Variants in UNC13D observed in about 807,000 individuals in gnomAD.
The protein encoded by UNC13D is protein unc-13 homolog D.
In UNC13D, 115 loss-of-function variants were observed where a neutral mutation model predicts 151.7. The observed-to-expected ratio is 0.76, with a 90% CI of 0.65 to 0.88. The LOEUF (loss-of-function observed/expected upper bound fraction) is 0.88, where lower values mean the gene tolerates loss of function less well. Ranked by LOEUF, UNC13D falls within the 40% of genes least tolerant of loss-of-function variation. The probability of loss-of-function intolerance (pLI) is 0.00; values close to 1 mark genes in which losing one functional copy is unlikely to be tolerated. For synonymous variants in UNC13D, 588 were observed against 612.2 expected (o/e 0.96, Z 0.58); for missense variants, 1,369 against 1,438.7 (o/e 0.95, Z 0.78).
chr17:75,828,635 C>G, intron 31 of UNC13D, 152 bp downstream of exon 31: 1 of 901,450 alleles, frequency 1.1e-6, no homozygotes, highest in Non-Finnish European at 1.6e-6. Context: ...TCACTGGTCT[C>G]TTGATTAGAC....
At position 75,840,478 on chromosome 17, in the gene UNC13D, T is replaced by C. The variant is rs1267977293; in HGVS notation, c.753+29A>G. 3 of 1,608,440 alleles carry C rather than the reference T, an allele frequency of 1.9e-6. No homozygotes were observed. Among genetic ancestry groups the C allele is most frequent in the South Asian group, 1.1e-5 (1 of 90,946 alleles). On this transcript the variant is annotated intron_variant, in intron 9 of 31. Coordinates refer to ENST00000207549, the MANE Select transcript of UNC13D (RefSeq NM_199242.3). The surrounding 1 kb of genome is among the most constrained non-coding windows in gnomAD (Gnocchi z 4.6). Reference sequence around the variant, plus strand: ...TCCCAACCCCCTCCCTCTGCCTCGCTCCTGGGCCCCTTTCCTCATCCTCCT... The same window carrying C: ...TCCCAACCCCCTCCCTCTGCCTCGCCCCTGGGCCCCTTTCCTCATCCTCCT...
intron 1 of UNC13D, 199 bp from the exon 2 acceptor site, chr17:75,843,718 T>C: frequency 2.1e-6 from 3 of 1,443,356 alleles, no homozygotes; most frequent in Non-Finnish European, 2.7e-6. Flanking sequence ...GTGGCTGAGG[T>C]CCATGGGTGC....
intron 21 of UNC13D, 75 bp downstream of exon 21, chr17:75,834,845 G>C (rs536010758): frequency 1.2e-6 from 2 of 1,612,652 alleles, no homozygotes; most frequent in Admixed American, 1.7e-5. Context: ...GCCTGGGTGA[G>C]AGCACGGGAG....
chr17:75,827,890 G>A lies in UNC13D; in HGVS notation c.*75C>T. 4 of 1,547,164 alleles carry A rather than the reference G, an allele frequency of 2.6e-6. No individual in the cohort carries two copies. The highest frequency in any genetic ancestry group is 3.5e-6 in the Non-Finnish European group (4 of 1,149,334). ...CAGGCTGGAGGGCCGCGATGTGGCG[G>A]GGAAGCCCCAGACCCTACAGGAAAG... On this transcript the variant is annotated 3_prime_UTR_variant, in exon 32 of 32. Transcript: ENST00000207549.
In UNC13D at chr17:75,830,350, G is replaced by A. The variant is rs758575692; in HGVS notation, c.2830+12C>T. On this transcript the variant is annotated intron_variant, in intron 29 of 31. Transcript: ENST00000207549. ...GGACCATGGAGAGTGGCCAAAGGCA[G>A]CCTCCACTCACCATTGGAGTCCAGG... 6.3e-7 allele frequency: 1 copy of A among 1,592,010 alleles called. No individual in the cohort carries two copies. The highest frequency in any genetic ancestry group is 1.1e-5 in the South Asian group (1 of 87,724).
intron 12 of UNC13D, among the ~76,000 whole-genome samples, chr17:75,838,334 T>TCAC (rs2064922855): frequency 6.6e-6 from 1 of 151,826 alleles, no homozygotes; most frequent in African/African-American, 2.4e-5. Flanking sequence ...TTCTCGTGCC[T>TCAC]CACCCTCCCG....
chr17:75,828,037 G>A lies in UNC13D; in HGVS notation c.3201C>T (p.Ala1067=), dbSNP rs778515769. Residue 1067 remains alanine (A), a synonymous_variant, in exon 32 of 32, where the codon GCC becomes GCT. Transcript: ENST00000207549. ...GCCGCCGCAGCCTCACAAAGACCTG[G>A]GCTTCTCGGTCACCCTTCCGGCCCT... ...LLEGRKGDRE[A]QVFVRLRRHR... 1.3e-6 allele frequency: 2 copies of A among 1,584,008 alleles called. No homozygotes were observed. The highest frequency in any genetic ancestry group is 1.3e-5 in the African/African-American group (1 of 74,364).
chr17:75,843,748 G>A (rs980992428), intron 1 of UNC13D: 24 of 1,422,234 alleles, frequency 1.7e-5, no homozygotes, highest in African/African-American at 1.3e-4. Flanking sequence ...CGAGCCCTCC[G>A]CACCCGCACC....
In UNC13D at chr17:75,828,986, G is replaced by A; in HGVS notation, c.2955-3C>T. On this transcript the variant is annotated splice_region_variant and splice_polypyrimidine_tract_variant and intron_variant, in intron 30 of 31. Transcript: ENST00000207549. ...GGCACGGCTCAGCAGGCACCAGGCT[G>A]CGGGGAGAGTCAGGGCTCTGCTGCC... 3 of 1,601,966 alleles carry A rather than the reference G, an allele frequency of 1.9e-6. No homozygotes were observed. The highest frequency in any genetic ancestry group is 1.1e-5 in the South Asian group (1 of 90,888).
intron 1 of UNC13D, chr17:75,843,941 T>C (rs2143903581): frequency 7.2e-7 from 1 of 1,387,612 alleles, no homozygotes; most frequent in South Asian, 1.6e-5. Context: ...GAGTCGGCTC[T>C]TCTGAAGCTG....
rs1200611898 is a variant in UNC13D at position 75,827,858 on chromosome 17, G to C, written c.*107C>G. The C allele has an allele frequency of 7.8e-6, 12 of 1,539,246 alleles. No individual in the cohort carries two copies. The highest frequency in any genetic ancestry group is 1.0e-5 in the Non-Finnish European group (12 of 1,145,636). The stretch of plus-strand genomic sequence containing the variant: ...CTCCGCATGCTGGGGCTCCCCAAGT[G>C]TTAGGCCAGGCTGGAGGGCCGCGAT... On this transcript the variant is annotated 3_prime_UTR_variant, in exon 32 of 32. Transcript: ENST00000207549.
chr17:75,834,730 G>C lies in UNC13D; in HGVS notation c.1993-14C>G. The stretch of plus-strand genomic sequence containing the variant: ...GCGACAGGTGTCCTAGGGTGGGGTT[G>C]GACAGAGGGAACTGATCCATGGGTG... On this transcript the variant is annotated splice_polypyrimidine_tract_variant and intron_variant, in intron 21 of 31. Coordinates refer to ENST00000207549, the MANE Select transcript of UNC13D (RefSeq NM_199242.3). The C allele has an allele frequency of 6.2e-7, 1 of 1,613,244 alleles. No individual in the cohort carries two copies. Among genetic ancestry groups the C allele is most frequent in the Non-Finnish European group, 8.5e-7 (1 of 1,179,884 alleles).
Position 75,842,479 on chromosome 17 carries a change from C to A in UNC13D, c.523G>T (p.Val175Phe), listed in dbSNP as rs768225300. Reference sequence around the variant, plus strand: ...ACGGGGTTGAGTGTCTGGGTGATGACCTGCGTGCGGTGGGTCTCCTCCTCG... The same window carrying A: ...ACGGGGTTGAGTGTCTGGGTGATGAACTGCGTGCGGTGGGTCTCCTCCTCG... ...IPEEETHRTQ[V>F]ITQTLNPVWD... The change falls in exon 6 of 32, where the codon GTC becomes TTC. Residue 175 changes from valine to phenylalanine, a missense_variant. Transcript: ENST00000207549. 1.2e-5 allele frequency: 19 copies of A among 1,613,336 alleles called. No homozygotes were observed. Among genetic ancestry groups the A allele is most frequent in the Non-Finnish European group, 1.6e-5 (19 of 1,179,978 alleles).
intron 6 of UNC13D, among the ~76,000 whole-genome samples, chr17:75,841,389 C>T (rs1192494366): frequency 1.3e-5 from 2 of 151,072 alleles, no homozygotes; most frequent in Admixed American, 6.6e-5. Context: ...GTGATCCGCC[C>T]GCCTAGGCCT....
chr17:75,843,187 G>A lies in UNC13D; in HGVS notation c.233C>T (p.Ala78Val), dbSNP rs758450528. The A allele has an allele frequency of 2.2e-5, 36 of 1,612,290 alleles. No homozygotes were observed. The highest frequency in any genetic ancestry group is 3.1e-5 in the Non-Finnish European group (36 of 1,179,974). The change falls in exon 3 of 32, where the codon GCC becomes GTC. Residue 78 changes from alanine (A) to valine (V), a missense_variant. Around this residue, in one of 3 missense-constraint regions of UNC13D, gnomAD observed 550 missense variants for 609.0 expected, o/e 0.90. Transcript: ENST00000207549. ...CTGCAGGTATCGCAGCAGCTCAGAGGCCTCCGTCACATGGTTGGGCTCAGG... is the reference window on the plus strand; with the variant it reads ...CTGCAGGTATCGCAGCAGCTCAGAGACCTCCGTCACATGGTTGGGCTCAGG... ...GHPEPNHVTE[A>V]SELLRYLQEA...
chr17:75,834,719 AGGGTG>A lies in UNC13D; in HGVS notation c.1993-8_1993-4del, dbSNP rs758008907. 6.2e-7 allele frequency: 1 copy of A among 1,612,800 alleles called. No homozygotes were observed. The highest frequency in any genetic ancestry group is 8.5e-7 in the Non-Finnish European group (1 of 1,179,618). On this transcript the variant is annotated splice_region_variant and splice_polypyrimidine_tract_variant and intron_variant, in intron 21 of 31. Coordinates refer to ENST00000207549, the MANE Select transcript of UNC13D (RefSeq NM_199242.3). ...ACCAGGGCCAGGCGACAGGTGTCCTAGGGTGGGGTTGGACAGAGGGAACTGATCCA... is the reference window on the plus strand; with the variant it reads ...ACCAGGGCCAGGCGACAGGTGTCCTAGGGTTGGACAGAGGGAACTGATCCA...
chr17:75,843,223 C>G lies in UNC13D; in HGVS notation c.197G>C (p.Arg66Pro), dbSNP rs371943727. The change falls in exon 3 of 32, where the codon CGC becomes CCC. Residue 66 changes from arginine (R) to proline (P), a missense_variant. Physicochemically the swap from Arg to Pro is moderately radical, Grantham distance 103. Coordinates refer to ENST00000207549, the MANE Select transcript of UNC13D (RefSeq NM_199242.3). ...YEDALYTVLH[R>P]LGHPEPNHVT... Reference sequence around the variant, plus strand: ...ATGGTTGGGCTCAGGATGACCCAGGCGGTGCAAGACAGTGTAGAGTGCGTC... The same window carrying G: ...ATGGTTGGGCTCAGGATGACCCAGGGGGTGCAAGACAGTGTAGAGTGCGTC... The G allele has an allele frequency of 6.2e-7, 1 of 1,611,216 alleles. No individual in the cohort carries two copies. Among genetic ancestry groups the G allele is most frequent in the African/African-American group, 1.3e-5 (1 of 74,982 alleles).
Position 75,842,537 on chromosome 17 carries a change from A to G in UNC13D, c.465T>C (p.His155=). ...TGTGCCTCACCACAGCCTTCTGCCGATGCCGGGACCCGGGGCTGCCCCCTG... is the reference window on the plus strand; with the variant it reads ...TGTGCCTCACCACAGCCTTCTGCCGGTGCCGGGACCCGGGGCTGCCCCCTG... ...GVPGGSPGSR[H]RQKAVVRHTI... Residue 155 remains histidine (H), a synonymous_variant, in exon 6 of 32, where the codon CAT becomes CAC. Coordinates refer to ENST00000207549, the MANE Select transcript of UNC13D (RefSeq NM_199242.3). 1 of 1,612,688 alleles carries G rather than the reference A, an allele frequency of 6.2e-7. No individual in the cohort carries two copies. Among genetic ancestry groups the G allele is most frequent in the African/African-American group, 1.3e-5 (1 of 75,042 alleles).
chr17:75,829,462 A>T (rs1599402396), intron 30 of UNC13D, among the ~76,000 whole-genome samples: 1 of 151,672 alleles, frequency 6.6e-6, no homozygotes, highest in African/African-American at 2.4e-5. Flanking sequence ...CACCCAGCTA[A>T]TTTTTTGTTT....
Sources: gnomAD v4.1 joint callset for allele counts (sites outside exome capture counted in the v4.1 genomes callset) on GRCh38, gnomAD v4.1.1 for gene constraint, gnomAD v4.1.1 regional missense constraint, Gnocchi (gnomAD v3.1) non-coding constraint, MANE v1.5 for transcripts, NCBI Gene and HGNC (gene_info 2026-07-23, HGNC 2026-07-21) for gene names.